The following NALF1 variants were observed in gnomAD, a reference collection of about 807,000 sequenced individuals.
The protein encoded by NALF1 is NALCN channel auxiliary factor 1.
NALF1 carries 3 observed loss-of-function variants against 48.4 expected under a neutral mutation model. That is an observed-to-expected ratio of 0.06 (90% CI 0.03 to 0.16). NALF1 has a LOEUF of 0.16. NALF1 is among the 10% of genes least tolerant of loss of function. NALF1 has a pLI of 1.00. For synonymous variants in NALF1, 262 were observed against 245.7 expected, an observed-to-expected ratio of 1.07 and a Z score of -0.62; for missense variants, 526 against 571.5, an observed-to-expected ratio of 0.92 and a Z score of 0.81.
chr13:107,456,770 A>AT (rs1884831513), intron 1 of NALF1, among the ~76,000 whole-genome samples: 1 of 152,126 alleles, frequency 6.6e-6, no homozygotes, highest in Non-Finnish European at 1.5e-5. Flanking sequence ...TCATATTTCC[A>AT]TTTTTTAAAA....
intron 1 of NALF1, among the ~76,000 whole-genome samples, chr13:107,471,411 T>C (rs531168818): frequency 2.0e-5 from 3 of 151,968 alleles, no homozygotes; most frequent in Non-Finnish European, 4.4e-5. Context: ...GGGTTTGCAG[T>C]TGGGTCAGGG....
chr13:107,193,654 C>T (rs1218849050), intron 2 of NALF1, among the ~76,000 whole-genome samples: 3 of 152,178 alleles, frequency 2.0e-5, no homozygotes, highest in South Asian at 2.1e-4. Context: ...CTAACCCGAC[C>T]GACCAGAGAA....
chr13:107,221,432 T>C (rs1370424643), intron 1 of NALF1, among the ~76,000 whole-genome samples: 1 of 151,876 alleles, frequency 6.6e-6, no homozygotes, highest in Non-Finnish European at 1.5e-5. Flanking sequence ...TTACAAAAAT[T>C]AGCTGGGCGT....
At chr13:107,458,550 C>T (rs1225558452) in intron 1 of NALF1, among the ~76,000 whole-genome samples, 1 of 152,128 alleles carries the variant, frequency 6.6e-6, no homozygotes, top group Non-Finnish European at 1.5e-5. Context: ...GCAGCAGGTC[C>T]TCAGGGAGTG....
chr13:107,235,697 T>C (rs1294452428), intron 1 of NALF1, among the ~76,000 whole-genome samples: 1 of 152,204 alleles, frequency 6.6e-6, no homozygotes, highest in African/African-American at 2.4e-5. Flanking sequence ...AATCCACAGA[T>C]TTGGAACCCA....
chr13:107,174,825 G>C (rs1878884028), intron 2 of NALF1, among the ~76,000 whole-genome samples: 1 of 151,908 alleles, frequency 6.6e-6, no homozygotes, highest in African/African-American at 2.4e-5. Context: ...CTGGTGGTCA[G>C]AGTGGTCCCC....
intron 1 of NALF1, among the ~76,000 whole-genome samples, chr13:107,378,211 T>C (rs189378970): frequency 1.6e-3 from 241 of 152,274 alleles, no homozygotes; most frequent in African/African-American, 5.6e-3. Context: ...TGAAATTTTA[T>C]CCCCAAAACA....
At chr13:107,729,654 T>C (rs1479173717) in intron 1 of NALF1, among the ~76,000 whole-genome samples, 1 of 152,104 alleles carries the variant, frequency 6.6e-6, no homozygotes, top group East Asian at 1.9e-4. Context: ...TTTTTTTGTA[T>C]TTTTAGTAGA....
At chr13:107,343,824 AG>A (rs1882725312) in intron 1 of NALF1, among the ~76,000 whole-genome samples, 1 of 152,202 alleles carries the variant, frequency 6.6e-6, no homozygotes, top group African/African-American at 2.4e-5. Context: ...CGAAGTAAAC[AG>A]GTAGCTAACA....
chr13:107,688,525 G>A (rs1443302114), intron 1 of NALF1, among the ~76,000 whole-genome samples: 1 of 152,100 alleles, frequency 6.6e-6, no homozygotes, highest in Non-Finnish European at 1.5e-5. Context: ...TGTCAGATGT[G>A]CATGGCAAAG....
chr13:107,827,479 C>G (rs1879555150), intron 1 of NALF1, among the ~76,000 whole-genome samples: 1 of 152,166 alleles, frequency 6.6e-6, no homozygotes. Context: ...CAAACAGACC[C>G]TCTCCTTGGA....
At chr13:107,772,074 T>C (rs2138570979) in intron 1 of NALF1, among the ~76,000 whole-genome samples, 1 of 152,264 alleles carries the variant, frequency 6.6e-6, no homozygotes, top group African/African-American at 2.4e-5. Context: ...TCTTGCAAAA[T>C]ATAGTAATTA....
At chr13:107,176,170 T>C (rs1327111530) in intron 2 of NALF1, among the ~76,000 whole-genome samples, 1 of 152,170 alleles carries the variant, frequency 6.6e-6, no homozygotes, top group East Asian at 1.9e-4. Flanking sequence ...ACAAGTACAA[T>C]TGCACTAATT....
chr13:107,452,699 T>C (rs934958056), intron 1 of NALF1, among the ~76,000 whole-genome samples: 1 of 152,180 alleles, frequency 6.6e-6, no homozygotes, highest in Non-Finnish European at 1.5e-5. Context: ...CCTTCCCAAC[T>C]GTCCCCCAAA....
At chr13:107,717,675 GA>G (rs1356287365) in intron 1 of NALF1, among the ~76,000 whole-genome samples, 1 of 151,918 alleles carries the variant, frequency 6.6e-6, no homozygotes, top group Non-Finnish European at 1.5e-5. Context: ...AAACGAAAAG[GA>G]AAAAAAGGAA....
At chr13:107,666,667 T>C (rs1448743917) in intron 1 of NALF1, among the ~76,000 whole-genome samples, 1 of 152,124 alleles carries the variant, frequency 6.6e-6, no homozygotes, top group Non-Finnish European at 1.5e-5. Flanking sequence ...TCTTCACAAA[T>C]TGATGTGGAT....
chr13:107,782,762 A>C (rs1877936446), intron 1 of NALF1, among the ~76,000 whole-genome samples: 1 of 147,480 alleles, frequency 6.8e-6, no homozygotes, highest in Non-Finnish European at 1.5e-5. Context: ...CTGGGAGGTG[A>C]GGAGCGTCTC....
chr13:107,687,446 C>A (rs903526888), intron 1 of NALF1, among the ~76,000 whole-genome samples: 12 of 150,760 alleles, frequency 8.0e-5, no homozygotes, highest in African/African-American at 2.9e-4. Context: ...GCATATGTAA[C>A]CCCCGTGAAT....
intron 1 of NALF1, among the ~76,000 whole-genome samples, chr13:107,438,826 T>TAAAAA (rs1884504553): frequency 2.0e-4 from 1 of 4,986 alleles, no homozygotes; most frequent in African/African-American, 9.6e-4. Context: ...AGACTCCATC[T>TAAAAA]CAAAAAAAAA....
Sources: allele counts gnomAD v4.1 joint callset (sites outside exome capture counted in the v4.1 genomes callset), GRCh38; gene constraint gnomAD v4.1.1; transcripts MANE v1.5; gene names NCBI Gene and HGNC (gene_info 2026-07-23, HGNC 2026-07-21).